Variants in TTBK2 observed in about 807,000 individuals in gnomAD.
The protein encoded by TTBK2 is tau tubulin kinase 2.
TTBK2 carries 28 observed loss-of-function variants against 110.8 expected under a neutral mutation model. That is an observed-to-expected ratio of 0.25 (90% CI 0.19 to 0.35). The LOEUF is 0.35. Among genes scored for constraint, TTBK2 ranks in the 10% least tolerant of loss-of-function variants. The pLI, the probability that TTBK2 is intolerant of heterozygous loss-of-function variation, is 1.00. For missense variants in TTBK2, 1,369 were observed against 1,500.3 expected (o/e 0.91, Z 1.45); for synonymous variants, 532 against 527.3 (o/e 1.01, Z -0.12).
intron 13 of TTBK2, among the ~76,000 whole-genome samples, chr15:42,764,053 G>A (rs2140682633): frequency 6.6e-6 from 1 of 152,286 alleles, no homozygotes; most frequent in South Asian, 2.1e-4. Context: ...GCCTGTAATT[G>A]CATATTATAT....
chr15:42,760,430 A>G (rs1308637585), intron 13 of TTBK2, among the ~76,000 whole-genome samples: 1 of 151,974 alleles, frequency 6.6e-6, no homozygotes, highest in Admixed American at 6.6e-5. Context: ...TGAATGAAAT[A>G]AAAAATACAA....
chr15:42,846,284 G>C (rs1893463103), intron 3 of TTBK2, among the ~76,000 whole-genome samples: 1 of 151,524 alleles, frequency 6.6e-6, no homozygotes. Context: ...CTGCCTCCCA[G>C]GTTCAAGCAA....
At chr15:42,761,862 G>A (rs937640427) in intron 13 of TTBK2, among the ~76,000 whole-genome samples, 4 of 152,188 alleles carry the variant, frequency 2.6e-5, no homozygotes, top group Non-Finnish European at 2.9e-5. Context: ...TAACGGTTTG[G>A]CTGTGTCCCC....
chr15:42,819,439 T>C (rs1192466509), intron 6 of TTBK2, among the ~76,000 whole-genome samples: 1 of 152,228 alleles, frequency 6.6e-6, no homozygotes, highest in African/African-American at 2.4e-5. Flanking sequence ...CACTTGCTCA[T>C]TTTTATAATC....
chr15:42,800,718 T>C (rs1870729391), intron 9 of TTBK2, among the ~76,000 whole-genome samples: 1 of 150,080 alleles, frequency 6.7e-6, no homozygotes, highest in Non-Finnish European at 1.5e-5. Flanking sequence ...AAGAAATGCA[T>C]ACAGTCTTTT....
chr15:42,918,796 C>T (rs1384913867), intron 1 of TTBK2, among the ~76,000 whole-genome samples: 2 of 152,086 alleles, frequency 1.3e-5, no homozygotes, highest in African/African-American at 4.8e-5. Flanking sequence ...ATAATCAACA[C>T]TTAAAATCAA....
chr15:42,767,016 C>T lies in TTBK2; in HGVS notation c.1998+8119G>A, dbSNP rs1323335797. Among the ~76,000 whole-genome samples, 3 of 152,270 alleles carry T rather than the reference C, an allele frequency of 2.0e-5. No homozygotes were observed. In the South Asian group the frequency reaches 6.2e-4, roughly 32 times the overall value. On this transcript the variant is annotated intron_variant, in intron 13 of 14. Coordinates refer to ENST00000267890, the MANE Select transcript of TTBK2 (RefSeq NM_173500.4). ...GCACAACTACATGGAAACTGAACAA[C>T]CTGCTCCTGAATGACTACTGGGTAA...
chr15:42,883,348 G>C (rs867690555), intron 1 of TTBK2, among the ~76,000 whole-genome samples: 5 of 146,894 alleles, frequency 3.4e-5, no homozygotes, highest in Admixed American at 2.1e-4. Context: ...TTGCACTACA[G>C]CCTGGGTGAC....
At chr15:42,823,810 C>T (rs1164169490) in intron 6 of TTBK2, among the ~76,000 whole-genome samples, 3 of 151,520 alleles carry the variant, frequency 2.0e-5, no homozygotes, top group African/African-American at 7.3e-5. Context: ...TCTTCTTCTT[C>T]CAATGTGGCC....
chr15:42,823,782 T>C (rs368864724), intron 6 of TTBK2, among the ~76,000 whole-genome samples: 1 of 152,002 alleles, frequency 6.6e-6, no homozygotes, highest in Non-Finnish European at 1.5e-5. Flanking sequence ...GTATATTTTA[T>C]GTGTGGCCCA....
intron 1 of TTBK2, among the ~76,000 whole-genome samples, chr15:42,909,180 G>A (rs997727136): frequency 1.3e-5 from 2 of 152,162 alleles, no homozygotes; most frequent in Non-Finnish European, 2.9e-5. Context: ...AGGCTGGAGC[G>A]CAGTAGCTAG....
intron 2 of TTBK2, among the ~76,000 whole-genome samples, chr15:42,875,332 A>C (rs1596010537): frequency 6.6e-6 from 1 of 152,198 alleles, no homozygotes; most frequent in African/African-American, 2.4e-5. Flanking sequence ...ACAGATTACA[A>C]GAAGAATAGA....
intron 1 of TTBK2, among the ~76,000 whole-genome samples, chr15:42,895,372 T>C (rs541493764): frequency 2.4e-4 from 36 of 152,054 alleles, no homozygotes; most frequent in Admixed American, 3.9e-4. Flanking sequence ...TGGGTCAGGA[T>C]CAACAAACTA....
At chr15:42,801,768 T>C (rs1891219446) in intron 9 of TTBK2, 2 of 822,674 alleles carry the variant, frequency 2.4e-6, no homozygotes, top group Middle Eastern at 2.2e-4. Flanking sequence ...CAGTCAGCTC[T>C]TTCAGGGAAG....
intron 1 of TTBK2, among the ~76,000 whole-genome samples, chr15:42,909,768 A>C (rs2030639105): frequency 6.6e-6 from 1 of 152,238 alleles, no homozygotes; most frequent in Non-Finnish European, 1.5e-5. Context: ...AGCAAAACTA[A>C]ACTACGTTAA....
rs80305987 is a variant in TTBK2, at chr15:42,877,994, A to G, written c.69+555T>C. On this transcript the variant is annotated intron_variant, in intron 2 of 14. Transcript: ENST00000267890. The stretch of plus-strand genomic sequence containing the variant: ...GGTTCATTATATAAGTCTATTTTTT[A>G]TGTATACTTACAATTTTCCTTAATA... 7.6e-3 allele frequency among the ~76,000 whole-genome samples: 1,144 copies of G among 149,908 alleles called. 7 individuals carry two copies. Among genetic ancestry groups the G allele is most frequent in the Non-Finnish European group, 0.012 (811 of 67,662 alleles).
At chr15:42,761,093 C>G (rs1319037353) in intron 13 of TTBK2, among the ~76,000 whole-genome samples, 1 of 152,148 alleles carries the variant, frequency 6.6e-6, no homozygotes, top group African/African-American at 2.4e-5. Context: ...AGAACAGTCT[C>G]TTCAATAAAT....
rs762994518 is a variant in TTBK2 at position 42,804,133 on chromosome 15, C to A, written c.822+6481G>T. Among the ~76,000 whole-genome samples, 10 of 146,914 alleles carry A rather than the reference C, an allele frequency of 6.8e-5. No homozygotes were observed. The South Asian group carries it at 1.7e-3, about 25-fold the overall frequency. The stretch of plus-strand genomic sequence containing the variant: ...TACTTTAAAATTTATAAATTATTAT[C>A]ATAATTACCTCATTAAAAATATTAA... On this transcript the variant is annotated intron_variant, in intron 9 of 14. Coordinates refer to ENST00000267890, the MANE Select transcript of TTBK2 (RefSeq NM_173500.4).
At chr15:42,865,716 A>G (rs1357846936) in intron 3 of TTBK2, among the ~76,000 whole-genome samples, 2 of 151,322 alleles carry the variant, frequency 1.3e-5, no homozygotes, top group Non-Finnish European at 2.9e-5. Context: ...CCAGTTACTC[A>G]GGAAGCCAAA....
Sources: allele counts gnomAD v4.1 joint callset (sites outside exome capture counted in the v4.1 genomes callset), GRCh38; gene constraint gnomAD v4.1.1; transcripts MANE v1.5; gene names NCBI Gene and HGNC (gene_info 2026-07-23, HGNC 2026-07-21).